The following RERG variants were observed in gnomAD, a reference collection of about 807,000 sequenced individuals.
RERG encodes ras-related and estrogen-regulated growth inhibitor.
RERG carries 25 observed loss-of-function variants against 23.2 expected under a neutral mutation model. The ratio of observed to expected loss-of-function variants is 1.08; its 90% confidence interval spans 0.79 to 1.50. RERG has a LOEUF of 1.50. Ranked by LOEUF, RERG falls within the 40% of genes most tolerant of loss-of-function variation. The pLI is 0.00. For synonymous variants in RERG, 81 were observed against 89.1 expected (o/e 0.91, Z 0.51); for missense variants, 253 against 250.1 (o/e 1.01, Z -0.08).
At chr12:15,122,585 C>G (rs1863851736) in intron 2 of RERG, among the ~76,000 whole-genome samples, 3 of 152,274 alleles carry the variant, frequency 2.0e-5, no homozygotes, top group African/African-American at 2.4e-5. Flanking sequence ...TGTAATACTT[C>G]CCACAGTGAC....
intron 2 of RERG, among the ~76,000 whole-genome samples, chr12:15,158,309 T>A (rs1864552703): frequency 6.6e-6 from 1 of 152,070 alleles, no homozygotes; most frequent in Non-Finnish European, 1.5e-5. Context: ...TTAGATAGAA[T>A]CTCGCTCTGT....
chr12:15,156,069 A>G (rs1284124805), intron 2 of RERG, among the ~76,000 whole-genome samples: 1 of 151,646 alleles, frequency 6.6e-6, no homozygotes, highest in African/African-American at 2.4e-5. Flanking sequence ...AATAGGTGAT[A>G]TAGTAATTAC....
At position 15,110,455 on chromosome 12, in the gene RERG, A is replaced by ATTTTTTTTTTTTTT. The variant is rs1257915419; in HGVS notation, c.192+888_192+889insAAAAAAAAAAAAAA. 1.0e-4 allele frequency among the ~76,000 whole-genome samples: 6 copies of ATTTTTTTTTTTTTT among 59,342 alleles called. 1 individual carries two copies. The East Asian group carries it at 3.0e-3, about 30-fold the overall frequency. The allele number at this position is 59,342 out of a possible 152,430, so 38.9% of individuals were successfully genotyped here. A position where few individuals can be genotyped will look rare whatever the true frequency, so the allele number is the denominator to read the frequency against. On this transcript the variant is annotated intron_variant, in intron 4 of 4. Coordinates refer to ENST00000256953, the MANE Select transcript of RERG (RefSeq NM_032918.3). ...TTAGCTTTCTGTCATTCCAGTGGCC[A>ATTTTTTTTTTTTTT]TTTTTTTCTTTTTTTTTTTTTTTTT... is the stretch of plus-strand genomic sequence containing the variant.
intron 2 of RERG, among the ~76,000 whole-genome samples, chr12:15,135,765 A>G (rs1864134654): frequency 6.6e-6 from 1 of 152,122 alleles, no homozygotes; most frequent in Non-Finnish European, 1.5e-5. Context: ...TGGTCATGGC[A>G]TATACACCTT....
chr12:15,129,280 A>G (rs1189875880), intron 2 of RERG, among the ~76,000 whole-genome samples: 5 of 86,250 alleles, frequency 5.8e-5, no homozygotes, highest in Non-Finnish European at 1.1e-4. Flanking sequence ...TAAGATGTCA[A>G]AAAAAAAAAA....
chr12:15,160,036 A>T (rs945617363), intron 2 of RERG, among the ~76,000 whole-genome samples: 1 of 152,182 alleles, frequency 6.6e-6, no homozygotes, highest in Non-Finnish European at 1.5e-5. Flanking sequence ...ATGAACACGA[A>T]TATTTAGTAT....
chr12:15,166,467 GATA>G (rs1340177527), intron 2 of RERG, among the ~76,000 whole-genome samples: 1 of 151,524 alleles, frequency 6.6e-6, no homozygotes, highest in Non-Finnish European at 1.5e-5. Flanking sequence ...TCAGTCTCAT[GATA>G]ATTGATGATG....
intron 2 of RERG, among the ~76,000 whole-genome samples, chr12:15,136,942 A>C (rs1210329486): frequency 7.2e-5 from 11 of 151,920 alleles, no homozygotes; most frequent in Non-Finnish European, 1.3e-4. Context: ...ATTGAGTTGA[A>C]CTATGTCCTT....
At chr12:15,214,173 T>C (rs998227318) in intron 2 of RERG, among the ~76,000 whole-genome samples, 5 of 152,164 alleles carry the variant, frequency 3.3e-5, no homozygotes, top group African/African-American at 1.2e-4. Flanking sequence ...CCTTAACAAA[T>C]TATAATAATA....
At chr12:15,194,825 C>T (rs1162992378) in intron 2 of RERG, among the ~76,000 whole-genome samples, 1 of 152,062 alleles carries the variant, frequency 6.6e-6, no homozygotes, top group Non-Finnish European at 1.5e-5. Context: ...GGAAATCTTA[C>T]ACGGGGCAAT....
chr12:15,128,749 T>G (rs935049237), intron 2 of RERG, among the ~76,000 whole-genome samples: 13 of 152,162 alleles, frequency 8.5e-5, no homozygotes, highest in African/African-American at 1.9e-4. Flanking sequence ...TATAATGGTT[T>G]GTCTTCCAGC....
intron 2 of RERG, among the ~76,000 whole-genome samples, chr12:15,134,831 A>G (rs564927832): frequency 2.8e-4 from 42 of 152,158 alleles, no homozygotes; most frequent in African/African-American, 1.0e-3. Context: ...GGATGGTTTG[A>G]AACTCCTGAT....
At chr12:15,174,754 G>T (rs1864824421) in intron 2 of RERG, among the ~76,000 whole-genome samples, 1 of 151,588 alleles carries the variant, frequency 6.6e-6, no homozygotes, top group Non-Finnish European at 1.5e-5. Flanking sequence ...GGCCTCTCTG[G>T]TGCATTTTTC....
At chr12:15,147,950 C>T (rs553272936) in intron 2 of RERG, among the ~76,000 whole-genome samples, 7 of 152,192 alleles carry the variant, frequency 4.6e-5, no homozygotes, top group African/African-American at 9.6e-5. Context: ...GTCCAAATCT[C>T]GAATCTCCAC....
At chr12:15,184,176 TAGA>T (rs765867079) in intron 2 of RERG, among the ~76,000 whole-genome samples, 1 of 152,296 alleles carries the variant, frequency 6.6e-6, no homozygotes, top group East Asian at 1.9e-4. Context: ...TCCAAAGATA[TAGA>T]AGAAGAAAAT....
chr12:15,215,734 T>C (rs1865432093), intron 2 of RERG, among the ~76,000 whole-genome samples: 2 of 151,802 alleles, frequency 1.3e-5, no homozygotes, highest in East Asian at 3.9e-4. Context: ...GGAAAAATGG[T>C]CAGGTGAGAA....
chr12:15,147,509 G>A (rs1020142609), intron 2 of RERG, among the ~76,000 whole-genome samples: 6 of 152,130 alleles, frequency 3.9e-5, no homozygotes, highest in African/African-American at 1.4e-4. Flanking sequence ...TAAGAATACC[G>A]AGGGCAGCAA....
intron 2 of RERG, among the ~76,000 whole-genome samples, chr12:15,128,632 T>C (rs534362018): frequency 4.7e-4 from 71 of 152,316 alleles, no homozygotes; most frequent in African/African-American, 1.6e-3. Context: ...GGAGGCCAGA[T>C]TGAGGTGAGC....
intron 2 of RERG, among the ~76,000 whole-genome samples, chr12:15,125,575 T>C (rs1175143557): frequency 1.3e-5 from 2 of 151,914 alleles, no homozygotes; most frequent in African/African-American, 4.8e-5. Context: ...CCCAGAAAGG[T>C]TGTAAAATCA....
Sources: allele counts gnomAD v4.1 joint callset (sites outside exome capture counted in the v4.1 genomes callset), GRCh38; gene constraint gnomAD v4.1.1; transcripts MANE v1.5; gene names NCBI Gene and HGNC (gene_info 2026-07-23, HGNC 2026-07-21).